KCNN2: variants seen among roughly 807,000 people sequenced by gnomAD.
KCNN2 encodes the protein small conductance calcium-activated potassium channel protein 2.
Under a neutral mutation model 55.5 loss-of-function variants are expected in KCNN2, and 24 were observed. The ratio of observed to expected loss-of-function variants is 0.43; its 90% CI spans 0.31 to 0.61. The LOEUF is 0.61. KCNN2 is among the 20% of genes least tolerant of loss of function. The probability of loss-of-function intolerance (pLI) is 0.08; values close to 1 mark genes in which losing one functional copy is unlikely to be tolerated. For missense variants in KCNN2, 754 were observed against 853.6 expected, an observed-to-expected ratio of 0.88 and a Z score of 1.45; for synonymous variants, 431 against 336.1, an observed-to-expected ratio of 1.28 and a Z score of -3.09.
chr5:114,283,682 T>C (rs1316612828), intron 2 of KCNN2, among the ~76,000 whole-genome samples: 2 of 152,200 alleles, frequency 1.3e-5, no homozygotes, highest in African/African-American at 2.4e-5. Flanking sequence ...CTTCCAGATA[T>C]TTGGAAGAAG....
At chr5:114,424,149 C>CT (rs1759549970) in intron 3 of KCNN2, among the ~76,000 whole-genome samples, 1 of 152,172 alleles carries the variant, frequency 6.6e-6, no homozygotes, top group South Asian at 2.1e-4. Context: ...TTCTTAAATA[C>CT]TTTGACTTAC....
At chr5:114,434,019 A>G (rs1306978412) in intron 3 of KCNN2, 1 of 152,064 alleles carries the variant, frequency 6.6e-6, no homozygotes, top group Admixed American at 6.5e-5. Context: ...GTATAGTTGT[A>G]TTATTATTTA....
chr5:114,332,847 A>T (rs1756848239), intron 2 of KCNN2, among the ~76,000 whole-genome samples: 1 of 152,216 alleles, frequency 6.6e-6, no homozygotes, highest in Non-Finnish European at 1.5e-5. Context: ...CCACCTGCTT[A>T]TTCAAATGCT....
At chr5:114,400,701 T>C (rs1419255112) in intron 2 of KCNN2, among the ~76,000 whole-genome samples, 2 of 152,344 alleles carry the variant, frequency 1.3e-5, no homozygotes, top group South Asian at 2.1e-4. Flanking sequence ...CATTTCTTTA[T>C]GTATGCTAAG....
chr5:114,340,514 C>G (rs1238269842), intron 2 of KCNN2, among the ~76,000 whole-genome samples: 2 of 151,936 alleles, frequency 1.3e-5, no homozygotes, highest in African/African-American at 4.8e-5. Context: ...TTATCAACAG[C>G]CAGAATATAA....
chr5:114,238,128 A>G (rs753783553), intron 2 of KCNN2, among the ~76,000 whole-genome samples: 7 of 152,222 alleles, frequency 4.6e-5, no homozygotes, highest in Non-Finnish European at 1.0e-4. Context: ...CATAATTCAC[A>G]TGCAGAAGGG....
chr5:114,179,106 T>C (rs1351670214), intron 1 of KCNN2, among the ~76,000 whole-genome samples: 1 of 152,202 alleles, frequency 6.6e-6, no homozygotes, highest in African/African-American at 2.4e-5. Context: ...AACTCATCAG[T>C]TTAAAAACAA....
intron 1 of KCNN2, among the ~76,000 whole-genome samples, chr5:114,073,139 A>C (rs970832560): frequency 6.6e-6 from 1 of 152,114 alleles, no homozygotes; most frequent in Non-Finnish European, 1.5e-5. Context: ...CAGTGTTATC[A>C]TCTTTGTGTT....
chr5:114,467,014 C>G (rs1287521180), intron 4 of KCNN2, among the ~76,000 whole-genome samples: 3 of 152,118 alleles, frequency 2.0e-5, no homozygotes, highest in African/African-American at 2.4e-5. Context: ...AGGACAGAAG[C>G]CTTTACACAG....
In KCNN2 at chr5:114,315,421, CTGTGTGTGTGTGTG is replaced by C. The variant is rs34000645; in HGVS notation, c.-184-45492_-184-45479del. ...GTGTACCACCCATGGAAGGCAGAAA[CTGTGTGTGTGTGTG>C]TGTGTGTGTGTGTGTGTGTGTGTGT... On this transcript the variant is annotated intron_variant, in intron 2 of 10. Transcript: ENST00000512097. Among the ~76,000 whole-genome samples, 377 of 143,004 alleles carry C rather than the reference CTGTGTGTGTGTGTG, an allele frequency of 2.6e-3. 4 individuals carry two copies. Among genetic ancestry groups the C allele is most frequent in the African/African-American group, 9.5e-3 (361 of 38,078 alleles). 93.8% of individuals were successfully genotyped at this position (143,004 alleles called of 152,430 possible). A position where few individuals can be genotyped will look rare whatever the true frequency, so the allele number is the denominator to read the frequency against.
chr5:114,465,543 C>T (rs573608364), intron 4 of KCNN2, among the ~76,000 whole-genome samples: 5 of 150,950 alleles, frequency 3.3e-5, no homozygotes, highest in Admixed American at 6.6e-5. Context: ...ACGTGGGAGG[C>T]GGAGGTTGCA....
intron 1 of KCNN2, among the ~76,000 whole-genome samples, chr5:114,213,866 G>T (rs555387804): frequency 4.5e-4 from 68 of 152,154 alleles, no homozygotes; most frequent in African/African-American, 1.6e-3. Flanking sequence ...CAAGTTCAAA[G>T]CTCTTGTTCT....
chr5:114,411,273 A>G (rs1027430050), intron 3 of KCNN2, among the ~76,000 whole-genome samples: 3 of 152,128 alleles, frequency 2.0e-5, no homozygotes, highest in Admixed American at 6.6e-5. Flanking sequence ...TTCCTGGAAG[A>G]TGATTTCTGA....
intron 2 of KCNN2, among the ~76,000 whole-genome samples, chr5:114,303,459 A>G (rs1252320615): frequency 3.3e-5 from 5 of 152,186 alleles, no homozygotes; most frequent in African/African-American, 1.2e-4. Context: ...GGAAGACTTT[A>G]TGAAGGGAAA....
chr5:114,401,217 T>A (rs914353298), intron 2 of KCNN2, among the ~76,000 whole-genome samples: 12 of 152,218 alleles, frequency 7.9e-5, no homozygotes, highest in Non-Finnish European at 1.5e-4. Flanking sequence ...TAAAAAAAAA[T>A]TTCAGGTATT....
At chr5:114,398,279 A>G (rs1758681580) in intron 2 of KCNN2, among the ~76,000 whole-genome samples, 1 of 152,170 alleles carries the variant, frequency 6.6e-6, no homozygotes, top group Non-Finnish European at 1.5e-5. Flanking sequence ...CATGTATCAA[A>G]TAGGGCGTCC....
intron 1 of KCNN2, among the ~76,000 whole-genome samples, chr5:114,193,976 A>C (rs1195177376): frequency 1.3e-5 from 2 of 152,136 alleles, no homozygotes; most frequent in East Asian, 3.9e-4. Context: ...ACCACAATAT[A>C]ATTTTAGAGC....
chr5:114,291,693 TGG>T (rs753298260), intron 2 of KCNN2, among the ~76,000 whole-genome samples: 17 of 152,260 alleles, frequency 1.1e-4, no homozygotes, highest in Non-Finnish European at 2.1e-4. Flanking sequence ...TATAATCCTT[TGG>T]GTATATACCC....
At chr5:114,270,549 A>G (rs1755306316) in intron 2 of KCNN2, among the ~76,000 whole-genome samples, 1 of 152,200 alleles carries the variant, frequency 6.6e-6, no homozygotes, top group South Asian at 2.1e-4. Context: ...CTACTACTAA[A>G]AATGTTGATA....
Sources: gnomAD v4.1 joint callset for allele counts (sites outside exome capture counted in the v4.1 genomes callset) on GRCh38, gnomAD v4.1.1 for gene constraint, MANE v1.5 for transcripts, NCBI Gene and HGNC (gene_info 2026-07-23, HGNC 2026-07-21) for gene names.